NCALD: variants seen among roughly 807,000 people sequenced by gnomAD.
NCALD encodes the protein neurocalcin delta, also known as neurocalcin-delta.
In NCALD, 10 loss-of-function variants were observed where a neutral mutation model predicts 18.6. The ratio of observed to expected loss-of-function variants is 0.54; its 90% confidence interval spans 0.33 to 0.91. The LOEUF is 0.91. Ranked by LOEUF, NCALD falls within the 40% of genes least tolerant of loss-of-function variation. The probability of loss-of-function intolerance (pLI) is 0.03; values close to 1 mark genes in which losing one functional copy is unlikely to be tolerated. For synonymous variants in NCALD, 88 were observed against 87.4 expected (o/e 1.01, Z -0.04); for missense variants, 184 against 247.6 (o/e 0.74, Z 1.72).
intron 1 of NCALD, among the ~76,000 whole-genome samples, chr8:102,054,855 T>A (rs190585365): frequency 6.6e-6 from 1 of 152,330 alleles, no homozygotes; most frequent in Admixed American, 6.5e-5. Flanking sequence ...TCTGTCTCTA[T>A]ATCCACACAC....
At chr8:101,982,653 A>T (rs2131946280) in intron 2 of NCALD, among the ~76,000 whole-genome samples, 1 of 152,226 alleles carries the variant, frequency 6.6e-6, no homozygotes, top group East Asian at 1.9e-4. Context: ...ATCCTGGCTA[A>T]CATGGTGAAA....
At chr8:101,725,910 T>G (rs115344934) in intron 1 of NCALD, among the ~76,000 whole-genome samples, 2,428 of 152,260 alleles carry the variant, frequency 0.016, 60 homozygotes, top group African/African-American at 0.056. Flanking sequence ...AGTTGTGGAA[T>G]GCCTGCAGTG....
intron 2 of NCALD, among the ~76,000 whole-genome samples, chr8:101,940,306 C>T (rs1233078995): frequency 1.3e-5 from 2 of 152,024 alleles, no homozygotes; most frequent in East Asian, 3.8e-4. Flanking sequence ...TAAGAACTTA[C>T]TGACTAAGGG....
upstream of NCALD, among the ~76,000 whole-genome samples, chr8:101,794,219 C>T (rs966923225): frequency 2.6e-5 from 4 of 152,156 alleles, no homozygotes; most frequent in African/African-American, 7.2e-5. Context: ...GATAAGCCTA[C>T]AAAGATCTTC....
intron 1 of NCALD, among the ~76,000 whole-genome samples, chr8:101,737,150 ACT>A (rs1384378286): frequency 2.0e-5 from 3 of 151,924 alleles, no homozygotes; most frequent in African/African-American, 7.3e-5. Context: ...ACAGGGTCTC[ACT>A]CTGTCACCCA....
intron 4 of NCALD, among the ~76,000 whole-genome samples, chr8:101,807,527 C>G (rs1407407684): frequency 6.6e-6 from 1 of 152,052 alleles, no homozygotes; most frequent in Non-Finnish European, 1.5e-5. Flanking sequence ...ATCAAAAAGC[C>G]AAAGAATTTT....
intron 4 of NCALD, among the ~76,000 whole-genome samples, chr8:101,826,431 T>C (rs560103459): frequency 1.1e-3 from 168 of 152,306 alleles, no homozygotes; most frequent in Non-Finnish European, 1.7e-3. Flanking sequence ...GGTTGTGAGG[T>C]ATCAAGATGA....
chr8:102,023,012 A>G (rs557857631), intron 1 of NCALD, among the ~76,000 whole-genome samples: 1 of 152,280 alleles, frequency 6.6e-6, no homozygotes, highest in African/African-American at 2.4e-5. Flanking sequence ...ACCAAGTCCC[A>G]TCAGCACTCT....
intron 2 of NCALD, among the ~76,000 whole-genome samples, chr8:101,978,454 A>T (rs1225406234): frequency 6.6e-6 from 1 of 152,182 alleles, no homozygotes; most frequent in Non-Finnish European, 1.5e-5. Context: ...CTGCAAGGTG[A>T]AGACTATTAT....
intron 2 of NCALD, among the ~76,000 whole-genome samples, chr8:102,006,543 C>T (rs1382351394): frequency 1.3e-5 from 2 of 152,308 alleles, no homozygotes; most frequent in East Asian, 3.9e-4. Flanking sequence ...TGGTCCATTC[C>T]CTGCCCTCTG....
chr8:101,867,948 G>A (rs929512114), intron 4 of NCALD, among the ~76,000 whole-genome samples: 2 of 152,150 alleles, frequency 1.3e-5, no homozygotes, highest in Non-Finnish European at 2.9e-5. Context: ...GCCATATCTG[G>A]TCCCCGCCCC....
Position 101,953,653 on chromosome 8 carries a change from C to T in NCALD, c.-156-37795G>A, listed in dbSNP as rs960161177. On this transcript the variant is annotated intron_variant, in intron 2 of 6. Coordinates refer to the NCALD transcript ENST00000311028. The stretch of plus-strand genomic sequence containing the variant: ...TTGCTCATGACAGGCACTTGATAAA[C>T]GCACACTGCATTCAGTGAGATGGAA... Among the ~76,000 whole-genome samples, 8 of 152,226 alleles carry T rather than the reference C, an allele frequency of 5.3e-5. No individual in the cohort carries two copies. In the South Asian group the frequency reaches 8.3e-4, roughly 16 times the overall value.
rs191175036 is a variant in NCALD at position 101,880,660 on chromosome 8, C to T, written c.-20+6481G>A. On this transcript the variant is annotated intron_variant, in intron 4 of 6. Coordinates refer to the NCALD transcript ENST00000311028. ...ATTCTCCCCCAGATAGTGTGAAAAG[C>T]ACTAGTCTAGTGCTTCAAAGCATTA... Among the ~76,000 whole-genome samples the T allele has an allele frequency of 9.1e-4, 139 of 152,322 alleles. 1 individual carries two copies. Among genetic ancestry groups the T allele is most frequent in the Non-Finnish European group, 1.5e-3 (101 of 68,022 alleles).
intron 1 of NCALD, among the ~76,000 whole-genome samples, chr8:102,080,856 T>C (rs1220145880): frequency 6.6e-6 from 1 of 152,192 alleles, no homozygotes; most frequent in African/African-American, 2.4e-5. Flanking sequence ...ACTCATTTAA[T>C]AGTGAGGCAA....
At chr8:102,054,469 A>G (rs568742684) in intron 1 of NCALD, among the ~76,000 whole-genome samples, 6 of 152,256 alleles carry the variant, frequency 3.9e-5, no homozygotes, top group African/African-American at 1.4e-4. Flanking sequence ...ACTAAACAAG[A>G]TAATGTGAAT....
At chr8:101,959,586 CT>C (rs1819761933) in intron 2 of NCALD, among the ~76,000 whole-genome samples, 1 of 152,126 alleles carries the variant, frequency 6.6e-6, no homozygotes, top group Non-Finnish European at 1.5e-5. Context: ...TGTTATCACT[CT>C]TCTTGATATT....
At chr8:102,055,991 T>G (rs1823637577) in intron 1 of NCALD, among the ~76,000 whole-genome samples, 1 of 152,318 alleles carries the variant, frequency 6.6e-6, no homozygotes, top group African/African-American at 2.4e-5. Flanking sequence ...CTTAGTGATC[T>G]TTTAGAGTGT....
chr8:102,092,791 C>T (rs1331182086), intron 1 of NCALD, among the ~76,000 whole-genome samples: 1 of 152,208 alleles, frequency 6.6e-6, no homozygotes, highest in Non-Finnish European at 1.5e-5. Context: ...ATGGAGTCAA[C>T]AGCCTTCCTT....
chr8:101,928,229 G>C (rs1264935572), intron 2 of NCALD, among the ~76,000 whole-genome samples: 2 of 152,156 alleles, frequency 1.3e-5, no homozygotes, highest in Non-Finnish European at 2.9e-5. Context: ...AGCTTGAAAA[G>C]TTCCCACAGC....
Sources: allele counts gnomAD v4.1 joint callset (sites outside exome capture counted in the v4.1 genomes callset), GRCh38; gene constraint gnomAD v4.1.1; transcripts MANE v1.5; gene names NCBI Gene and HGNC (gene_info 2026-07-23, HGNC 2026-07-21).